The following UBR3 variants were observed in gnomAD, a reference collection of about 807,000 sequenced individuals.
The protein encoded by UBR3 is ubiquitin protein ligase E3 component n-recognin 3.
In UBR3, 85 loss-of-function variants were observed where a neutral mutation model predicts 243.2. That is an observed-to-expected ratio of 0.35 (90% CI 0.29 to 0.42). UBR3 has a LOEUF of 0.42. Among genes scored for constraint, UBR3 ranks in the 10% least tolerant of loss-of-function variants. The pLI, the probability that UBR3 is intolerant of heterozygous loss-of-function variation, is 1.00. For synonymous variants in UBR3, 748 were observed against 799.8 expected (o/e 0.94, Z 1.09); for missense variants, 1,686 against 2,300.8 (o/e 0.73, Z 5.47).
chr2:169,835,731 G>A (rs1464058527), intron 1 of UBR3, among the ~76,000 whole-genome samples: 4 of 152,010 alleles, frequency 2.6e-5, no homozygotes, highest in Admixed American at 6.5e-5. Context: ...GTGAGCCACC[G>A]TGCGTGGCCT....
intron 6 of UBR3, 130 bp from the exon 7 acceptor site, chr2:169,895,048 ATAT>A: frequency 1.2e-6 from 1 of 816,290 alleles, no homozygotes; most frequent in Non-Finnish European, 1.8e-6. Context: ...TAGCTTGTCA[ATAT>A]TATTGCATTA....
chr2:169,901,113 C>G (rs1048046208), intron 8 of UBR3, among the ~76,000 whole-genome samples: 2 of 152,062 alleles, frequency 1.3e-5, no homozygotes, highest in African/African-American at 4.8e-5. Context: ...TCTACTTGTC[C>G]TATCAATATT....
intron 8 of UBR3, among the ~76,000 whole-genome samples, chr2:169,904,054 G>C (rs1277076264): frequency 6.6e-6 from 1 of 152,084 alleles, no homozygotes; most frequent in Non-Finnish European, 1.5e-5. Flanking sequence ...CTTTAAAATA[G>C]AGTTAGAATA....
intron 35 of UBR3, among the ~76,000 whole-genome samples, chr2:170,066,786 A>T (rs13423574): frequency 0.27 from 41,663 of 151,732 alleles, 5,982 homozygotes; most frequent in South Asian, 0.42. Flanking sequence ...TAACACGGTG[A>T]AACCCTGCCT....
intron 31 of UBR3, among the ~76,000 whole-genome samples, chr2:170,030,057 G>A (rs2090629399): frequency 1.3e-5 from 2 of 152,042 alleles, no homozygotes; most frequent in Admixed American, 6.6e-5. Context: ...AATAAGTTTG[G>A]TCTTTGGTGT....
rs375942895 is a variant in UBR3 at position 169,884,137 on chromosome 2, A to G, written c.1038+5563A>G. Among the ~76,000 whole-genome samples the G allele has an allele frequency of 1.4e-4, 20 of 148,062 alleles. No individual in the cohort carries two copies. The East Asian group carries it at 1.6e-3, about 12-fold the overall frequency. Reference sequence around the variant, plus strand: ...CGTGAGCCACCGTGCCCAGCCTGTAAGGTATTTTGGAGAGCTGACTTTTTT... The same window carrying G: ...CGTGAGCCACCGTGCCCAGCCTGTAGGGTATTTTGGAGAGCTGACTTTTTT... On this transcript the variant is annotated intron_variant, in intron 5 of 38. Transcript: ENST00000272793.
At chr2:169,981,947 G>A (rs891627602) in intron 24 of UBR3, among the ~76,000 whole-genome samples, 1 of 152,192 alleles carries the variant, frequency 6.6e-6, no homozygotes, top group African/African-American at 2.4e-5. Flanking sequence ...ATAGTGTGCA[G>A]TGGGAGTTTT....
At chr2:170,057,032 T>C (rs935753184) in intron 33 of UBR3, among the ~76,000 whole-genome samples, 2 of 152,228 alleles carry the variant, frequency 1.3e-5, no homozygotes, top group Non-Finnish European at 2.9e-5. Context: ...CAAAATTAAT[T>C]TCTGTCTTTC....
At chr2:169,983,252 C>CTTTTTTTTTTTTTTTTTTTTTTTT (rs72194627) in intron 24 of UBR3, among the ~76,000 whole-genome samples, 4 of 71,986 alleles carry the variant, frequency 5.6e-5, no homozygotes, top group African/African-American at 1.8e-4. Flanking sequence ...ATTCTCTCTC[C>CTTTTTTTTTTTTTTTTTTTTTTTT]TTTTTTTTTT....
chr2:169,992,894 G>C (rs1476050638), intron 25 of UBR3, among the ~76,000 whole-genome samples: 1 of 152,106 alleles, frequency 6.6e-6, no homozygotes, highest in African/African-American at 2.4e-5. Flanking sequence ...TTGAGTAGCT[G>C]GGATTACAGG....
chr2:169,850,146 T>C (rs1006439947), intron 1 of UBR3, among the ~76,000 whole-genome samples: 9 of 148,782 alleles, frequency 6.0e-5, no homozygotes, highest in Non-Finnish European at 1.0e-4. Flanking sequence ...GGCAGTCTCC[T>C]GGTGGGTGAG....
At chr2:169,915,751 T>G (rs1387853398) in intron 11 of UBR3, among the ~76,000 whole-genome samples, 2 of 152,222 alleles carry the variant, frequency 1.3e-5, no homozygotes, top group African/African-American at 2.4e-5. Context: ...AAAATTACCC[T>G]TTTTCTCATT....
chr2:169,911,752 T>C (rs1057415952), intron 10 of UBR3, among the ~76,000 whole-genome samples: 2 of 152,126 alleles, frequency 1.3e-5, no homozygotes, highest in African/African-American at 4.8e-5. Flanking sequence ...CTTGATGAAA[T>C]AGGAGAACTT....
intron 26 of UBR3, among the ~76,000 whole-genome samples, chr2:169,996,687 A>T (rs1445901072): frequency 5.0e-5 from 5 of 100,010 alleles, no homozygotes; most frequent in African/African-American, 1.1e-4. Flanking sequence ...ATTGCTTTGG[A>T]CTTTTGTTTT....
At position 169,845,525 on chromosome 2, in the gene UBR3, G is replaced by T. The variant is rs1251772089; in HGVS notation, c.545+17473G>T. The stretch of plus-strand genomic sequence containing the variant: ...CATCGTCGTCGTCGTCGTCGTCGTC[G>T]TCGTCGTCTTCTTCTTCTTCTTCTT... On this transcript the variant is annotated intron_variant, in intron 1 of 38. Coordinates refer to ENST00000272793, the MANE Select transcript of UBR3 (RefSeq NM_172070.4). Among the ~76,000 whole-genome samples the T allele has an allele frequency of 3.8e-3, 465 of 121,522 alleles. 2 individuals carry two copies. Among genetic ancestry groups the T allele is most frequent in the Non-Finnish European group, 6.8e-3 (368 of 54,310 alleles). The allele number at this position is 121,522 out of a possible 152,430, so 79.7% of individuals were successfully genotyped here.
At chr2:169,907,058 T>TA (rs1553508787) in intron 10 of UBR3, among the ~76,000 whole-genome samples, 4 of 142,432 alleles carry the variant, frequency 2.8e-5, no homozygotes, top group East Asian at 4.0e-4. Flanking sequence ...TTTTTTTTTT[T>TA]AGAGGGAGTC....
At chr2:170,010,947 G>A (rs1019883240) in intron 29 of UBR3, among the ~76,000 whole-genome samples, 2 of 152,012 alleles carry the variant, frequency 1.3e-5, no homozygotes, top group Non-Finnish European at 2.9e-5. Context: ...AGGATTGCTT[G>A]AGACCAGGAG....
At chr2:169,927,165 G>A (rs1223314982) in intron 16 of UBR3, among the ~76,000 whole-genome samples, 155 bp from the exon 17 acceptor site, 2 of 152,204 alleles carry the variant, frequency 1.3e-5, no homozygotes, top group East Asian at 3.8e-4. Context: ...GCAAACAGCA[G>A]TTAAACTGCA....
chr2:169,878,020 G>T (rs1362360527), intron 4 of UBR3, among the ~76,000 whole-genome samples: 5 of 152,150 alleles, frequency 3.3e-5, no homozygotes, highest in African/African-American at 1.2e-4. Flanking sequence ...TTTCACTGGA[G>T]AATTCCTATT....
Sources: allele counts gnomAD v4.1 joint callset (sites outside exome capture counted in the v4.1 genomes callset), GRCh38; gene constraint gnomAD v4.1.1; transcripts MANE v1.5; gene names NCBI Gene and HGNC (gene_info 2026-07-23, HGNC 2026-07-21).